HEXB: variants seen among roughly 807,000 people sequenced by gnomAD.
HEXB encodes beta-hexosaminidase subunit beta.
A neutral mutation model predicts 71.2 loss-of-function variants in HEXB; 51 were observed. That is an observed-to-expected ratio of 0.72 (90% CI 0.57 to 0.90). The LOEUF (loss-of-function observed/expected upper bound fraction) is 0.90. Ranked by LOEUF, HEXB falls within the 40% of genes least tolerant of loss-of-function variation. HEXB has a pLI of 0.00. For synonymous variants in HEXB, 266 were observed against 249.3 expected, an observed-to-expected ratio of 1.07 and a Z score of -0.63; for missense variants, 617 against 677.0, an observed-to-expected ratio of 0.91 and a Z score of 0.98.
chr5:74,671,389 T>A (rs1748536276), intron 1 of HEXB, among the ~76,000 whole-genome samples: 1 of 151,606 alleles, frequency 6.6e-6, no homozygotes, highest in Admixed American at 6.6e-5. Flanking sequence ...AATCTCAAAA[T>A]AATTATGCTG....
At chr5:74,651,970 G>A (rs1034507802) in intron 1 of HEXB, among the ~76,000 whole-genome samples, 1 of 152,052 alleles carries the variant, frequency 6.6e-6, no homozygotes, top group African/African-American at 2.4e-5. Flanking sequence ...TGGTCAGGTA[G>A]GTAAGTCTAT....
chr5:74,659,649 G>T (rs1264917229), intron 1 of HEXB, among the ~76,000 whole-genome samples: 1 of 152,150 alleles, frequency 6.6e-6, no homozygotes, highest in Non-Finnish European at 1.5e-5. Context: ...GAGAGCTGGA[G>T]AATAAGCCCA....
At position 74,700,434 on chromosome 5, in the gene HEXB, T is replaced by A. The variant is rs937682353; in HGVS notation, c.669+3328T>A. ...ATACTTTTATATTTGCTTATATGTATCTTATTTTTAAAATTTAATTAATTT... is the reference window on the plus strand; with the variant it reads ...ATACTTTTATATTTGCTTATATGTAACTTATTTTTAAAATTTAATTAATTT... On this transcript the variant is annotated intron_variant, in intron 5 of 13. Coordinates refer to ENST00000261416, the MANE Select transcript of HEXB (RefSeq NM_000521.4). 6.6e-5 allele frequency among the ~76,000 whole-genome samples: 10 copies of A among 152,068 alleles called. No individual in the cohort carries two copies. The South Asian group carries it at 1.9e-3, about 28-fold the overall frequency.
chr5:74,705,249 C>T lies in HEXB; in HGVS notation c.700C>T (p.Leu234Phe). 2.5e-6 allele frequency: 4 copies of T among 1,611,752 alleles called. No homozygotes were observed. The highest frequency in any genetic ancestry group is 3.4e-6 in the Non-Finnish European group (4 of 1,178,050). Reference sequence around the variant, plus strand: ...CATGGCTTTTAATAAGTTTAATGTTCTTCACTGGCACATAGTTGATGACCA... The same window carrying T: ...CATGGCTTTTAATAAGTTTAATGTTTTTCACTGGCACATAGTTGATGACCA... ...DAMAFNKFNV[L>F]HWHIVDDQSF... is the part of the protein sequence containing the mutation. Residue 234 changes from leucine (L) to phenylalanine (F), a missense_variant, in exon 6 of 14, where the codon CTT (leucine) becomes TTT (phenylalanine). Coordinates refer to ENST00000261416, the MANE Select transcript of HEXB (RefSeq NM_000521.4).
At chr5:74,674,353 C>A (rs1014421751) in intron 1 of HEXB, among the ~76,000 whole-genome samples, 1 of 151,884 alleles carries the variant, frequency 6.6e-6, no homozygotes, top group African/African-American at 2.4e-5. Context: ...CCTGTAATCC[C>A]GGCACTTTGG....
Position 74,709,328 on chromosome 5 carries a change from C to CA in HEXB, c.771+4010dup, listed in dbSNP as rs573331025. On this transcript the variant is annotated intron_variant, in intron 6 of 13. Coordinates refer to ENST00000261416, the MANE Select transcript of HEXB (RefSeq NM_000521.4). ...GGAAATTTATAGCACTAAATGCCCA[C>CA]AAGAGAAAGCAGGAAAGATCCAAAA... 2.0e-4 allele frequency among the ~76,000 whole-genome samples: 31 copies of CA among 151,794 alleles called. No individual in the cohort carries two copies. The East Asian group carries it at 5.8e-3, about 28-fold the overall frequency.
rs529531426 is a variant in HEXB, at chr5:74,655,579, G to A, written c.-377+15021G>A. ...TCAAACTCCTGACCTCAAGTGATCC[G>A]CCTGCCTCAGCCTCCCAAGTGCTGA... On this transcript the variant is annotated intron_variant, in intron 1 of 13. Transcript: ENST00000511181. 7.9e-5 allele frequency among the ~76,000 whole-genome samples: 12 copies of A among 151,912 alleles called. 1 individual carries two copies. The South Asian group carries it at 1.3e-3, about 16-fold the overall frequency.
upstream of HEXB, among the ~76,000 whole-genome samples, chr5:74,681,235 G>A (rs1748732239): frequency 6.6e-6 from 1 of 152,156 alleles, no homozygotes; most frequent in South Asian, 2.1e-4. Flanking sequence ...GCTCAACAAG[G>A]TGATATTTGG....
At position 74,685,538 on chromosome 5, in the gene HEXB, T is replaced by A; in HGVS notation, c.278T>A (p.Leu93Gln). 1 of 1,569,906 alleles carries A rather than the reference T, an allele frequency of 6.4e-7. No individual in the cohort carries two copies. Residue 93 changes from leucine (L) to glutamine (Q), a missense_variant, in exon 1 of 14, where the codon CTG becomes CAG. Leu to Gln is a moderately radical substitution (Grantham distance 113). Coordinates refer to ENST00000261416, the MANE Select transcript of HEXB (RefSeq NM_000521.4). ...TCCACGGCGGGCCCCTCCTGCACCC[T>A]GCTGGAGGAAGCGTTTCGACGGTGA... is the stretch of plus-strand genomic sequence containing the variant. ...PNSTAGPSCT[L>Q]LEEAFRRYHG...
chr5:74,655,312 CT>C (rs386404134), intron 1 of HEXB, among the ~76,000 whole-genome samples: 7,870 of 124,980 alleles, frequency 0.063, 346 homozygotes, highest in African/African-American at 0.18. Flanking sequence ...AAGCATTAAA[CT>C]TTTTTTTTTT....
At position 74,660,840 on chromosome 5, in the gene HEXB, C is replaced by G. The variant is rs115464380; in HGVS notation, c.-377+20282C>G. 2.0e-4 allele frequency among the ~76,000 whole-genome samples: 31 copies of G among 152,172 alleles called. No homozygotes were observed. In the South Asian group the frequency reaches 6.2e-3, roughly 31 times the overall value. On this transcript the variant is annotated intron_variant, in intron 1 of 13. Coordinates refer to the HEXB transcript ENST00000511181. ...CCCTGGGGATACACAAATTGCCATT[C>G]GAGAAGAACCAAGCTAAGCCAGAGA...
intron 5 of HEXB, among the ~76,000 whole-genome samples, chr5:74,704,255 C>T (rs530809824): frequency 1.3e-5 from 2 of 152,290 alleles, no homozygotes; most frequent in African/African-American, 4.8e-5. Context: ...TTTATCTGCA[C>T]AATCCCCTTG....
intron 1 of HEXB, among the ~76,000 whole-genome samples, chr5:74,675,534 T>C (rs1748615066): frequency 6.6e-6 from 1 of 152,104 alleles, no homozygotes; most frequent in African/African-American, 2.4e-5. Flanking sequence ...GGCCATTCTG[T>C]GAGGGAGGAG....
chr5:74,721,095 A>ATCTT (rs1321296644), intron 13 of HEXB, 23 bp from the exon 14 acceptor site: 1 of 1,565,194 alleles, frequency 6.4e-7, no homozygotes, highest in East Asian at 2.2e-5. Flanking sequence ...AATCTAAAAT[A>ATCTT]TCTTTATTCA....
At chr5:74,694,841 A>G (rs1025504689) in intron 3 of HEXB, among the ~76,000 whole-genome samples, 5 of 151,944 alleles carry the variant, frequency 3.3e-5, no homozygotes, top group African/African-American at 1.2e-4. Flanking sequence ...ATGGTGGCGC[A>G]TGCCTGTAAT....
Position 74,720,720 on chromosome 5 carries a change from T to C in HEXB, c.1586T>C (p.Leu529Pro). ...GATATGGATGACGCCTATGACAGACTGACAAGGCACCGCTGCAGGATGGTC... is the reference window on the plus strand; with the variant it reads ...GATATGGATGACGCCTATGACAGACCGACAAGGCACCGCTGCAGGATGGTC... ...VRDMDDAYDR[L>P]TRHRCRMVER... is the part of the protein sequence containing the mutation. The change falls in exon 13 of 14, where the codon CTG becomes CCG. Residue 529 changes from leucine to proline, a missense_variant. Coordinates refer to ENST00000261416, the MANE Select transcript of HEXB (RefSeq NM_000521.4). 1 of 1,614,016 alleles carries C rather than the reference T, an allele frequency of 6.2e-7. No individual in the cohort carries two copies. The highest frequency in any genetic ancestry group is 8.5e-7 in the Non-Finnish European group (1 of 1,179,846).
At chr5:74,649,336 C>T (rs1269950541) in intron 1 of HEXB, among the ~76,000 whole-genome samples, 1 of 152,208 alleles carries the variant, frequency 6.6e-6, no homozygotes. Flanking sequence ...CTGAGGGCCC[C>T]TGGACAGGGA....
At chr5:74,680,793 G>A (rs192272486), upstream of HEXB, among the ~76,000 whole-genome samples, 191 of 152,284 alleles carry the variant, frequency 1.3e-3, no homozygotes, top group Admixed American at 3.0e-3. Context: ...TAGACTAGTA[G>A]GTTGATGGTC....
At chr5:74,701,184 A>T (rs1749252602) in intron 5 of HEXB, among the ~76,000 whole-genome samples, 1 of 152,030 alleles carries the variant, frequency 6.6e-6, no homozygotes, top group South Asian at 2.1e-4. Context: ...ATGCCCAGCC[A>T]CAAGTTCTTT....
Sources: allele counts gnomAD v4.1 joint callset (sites outside exome capture counted in the v4.1 genomes callset), GRCh38; gene constraint gnomAD v4.1.1; transcripts MANE v1.5; gene names NCBI Gene and HGNC (gene_info 2026-07-23, HGNC 2026-07-21).